Variants in MMP26 observed in about 807,000 individuals in gnomAD.
MMP26 encodes the protein matrix metallopeptidase 26.
Under a neutral mutation model 31.0 loss-of-function variants are expected in MMP26, and 33 were observed. That is an observed-to-expected ratio of 1.06 (90% CI 0.81 to 1.42). The LOEUF is 1.42. Among genes scored for constraint, MMP26 ranks in the 40% most tolerant of loss-of-function variants. The pLI is 0.00. For synonymous variants in MMP26, 122 were observed against 114.9 expected (o/e 1.06, Z -0.40); for missense variants, 347 against 316.1 (o/e 1.10, Z -0.74).
At chr11:4,915,040 G>C (rs371119617) in intron 2 of MMP26, 6 of 1,613,964 alleles carry the variant, frequency 3.7e-6, no homozygotes, top group Admixed American at 1.7e-5. Context: ...CTGTAGAGAC[G>C]ATGACAAACA....
At chr11:4,908,194 T>C in intron 2 of MMP26, 1 of 1,614,214 alleles carries the variant, frequency 6.2e-7, no homozygotes, top group South Asian at 1.1e-5. Flanking sequence ...TGATCCTTAT[T>C]GCAGATATGT....
At chr11:4,824,946 G>A (rs1849560737) in intron 2 of MMP26, among the ~76,000 whole-genome samples, 1 of 152,074 alleles carries the variant, frequency 6.6e-6, no homozygotes, top group African/African-American at 2.4e-5. Context: ...TTTGATTCCG[G>A]TTAGTCCAAT....
rs868154417 is a variant in MMP26, at chr11:4,885,528, T to A, written c.-144-102540T>A. Among the ~76,000 whole-genome samples the A allele has an allele frequency of 3.9e-5, 6 of 152,126 alleles. No homozygotes were observed. In the South Asian group the frequency reaches 1.2e-3, roughly 31 times the overall value. On this transcript the variant is annotated intron_variant, in intron 2 of 7. Coordinates refer to ENST00000380390, the MANE Select transcript of MMP26 (RefSeq NM_021801.5). ...AGTACAGTAAAATGCTGCACAGTTT[T>A]GTAGTCTAGGAGCAATAGGCTATAT...
chr11:4,949,232 C>T (rs1473690816), intron 2 of MMP26, among the ~76,000 whole-genome samples: 1 of 121,660 alleles, frequency 8.2e-6, no homozygotes, highest in Non-Finnish European at 1.9e-5. Flanking sequence ...CATTGTGCTA[C>T]GTTTGCTATG....
At chr11:4,911,532 C>T (rs897739625) in intron 2 of MMP26, among the ~76,000 whole-genome samples, 4 of 152,166 alleles carry the variant, frequency 2.6e-5, no homozygotes, top group Non-Finnish European at 4.4e-5. Context: ...AATGTAGCTT[C>T]CAGCTTACTT....
intron 2 of MMP26, among the ~76,000 whole-genome samples, chr11:4,960,638 C>G (rs1846508275): frequency 6.6e-6 from 1 of 151,906 alleles, no homozygotes; most frequent in African/African-American, 2.4e-5. Context: ...ATCCTGATTG[C>G]TGAAATCTCA....
intron 1 of MMP26, chr11:4,722,658 A>G (rs1171028723): frequency 4.4e-6 from 3 of 683,082 alleles, no homozygotes; most frequent in South Asian, 3.4e-5. Flanking sequence ...TCCCTGTGCT[A>G]CCCTGCACAG....
chr11:4,991,967 A>G lies in MMP26; in HGVS notation c.599A>G (p.Tyr200Cys), dbSNP rs1310363140. ...NEHWSASDTG[Y>C]NLFLVATHEI... ...TTTTTTTTCTATAATTTTTCAGGATATAATCTGTTCCTGGTTGCAACTCAT... is the reference window on the plus strand; with the variant it reads ...TTTTTTTTCTATAATTTTTCAGGATGTAATCTGTTCCTGGTTGCAACTCAT... The change falls in exon 7 of 8, where the codon TAT (tyrosine) becomes TGT (cysteine). Residue 200 changes from tyrosine (Y) to cysteine (C), a missense_variant. By Grantham distance (194) the Tyr-to-Cys change is radical. Transcript: ENST00000380390. The G allele has an allele frequency of 5.0e-6, 8 of 1,591,646 alleles. No individual in the cohort carries two copies. Among genetic ancestry groups the G allele is most frequent in the Non-Finnish European group, 8.5e-7 (1 of 1,174,150 alleles).
chr11:4,863,204 C>T (rs190732336), intron 2 of MMP26, among the ~76,000 whole-genome samples: 1 of 152,190 alleles, frequency 6.6e-6, no homozygotes, highest in East Asian at 1.9e-4. Flanking sequence ...TTTTCATTAC[C>T]TGAATCAGTG....
intron 1 of MMP26, chr11:4,756,878 G>A (rs1848511120): frequency 6.6e-6 from 1 of 151,918 alleles, no homozygotes; most frequent in Non-Finnish European, 1.5e-5. Context: ...TTTAAAAGAT[G>A]TAAATAAGTG....
intron 1 of MMP26, among the ~76,000 whole-genome samples, chr11:4,743,553 T>C (rs1408329941): frequency 2.6e-5 from 4 of 152,196 alleles, no homozygotes; most frequent in South Asian, 4.1e-4. Flanking sequence ...CTAATCTCTT[T>C]AGGGAAATTA....
chr11:4,858,344 A>T (rs537475486), intron 2 of MMP26, among the ~76,000 whole-genome samples: 1 of 152,272 alleles, frequency 6.6e-6, no homozygotes, highest in African/African-American at 2.4e-5. Context: ...CTCAGCCCAA[A>T]ATCTCCTTAA....
Position 4,822,024 on chromosome 11 carries a change from T to A in MMP26, c.-145+54683T>A, listed in dbSNP as rs7103540. ...ACAATAGGATCAACAGCATCCTTGG[T>A]CTGTTTGCGCTTTTGTCCACTACAG... is the stretch of plus-strand genomic sequence containing the variant. On this transcript the variant is annotated intron_variant, in intron 2 of 7. Coordinates refer to ENST00000380390, the MANE Select transcript of MMP26 (RefSeq NM_021801.5). 4.6e-3 allele frequency: 7,416 copies of A among 1,613,984 alleles called. 300 individuals are homozygous for A. The African/African-American group carries it at 0.087, about 19-fold the overall frequency.
intron 1 of MMP26, among the ~76,000 whole-genome samples, chr11:4,737,291 T>C (rs150287950): frequency 3.1e-4 from 47 of 152,312 alleles, no homozygotes; most frequent in African/African-American, 1.1e-3. Context: ...TGAGTTGAAC[T>C]TCCTCTTCAT....
intron 2 of MMP26, among the ~76,000 whole-genome samples, chr11:4,862,989 G>A (rs1304938880): frequency 6.6e-6 from 1 of 152,076 alleles, no homozygotes; most frequent in Non-Finnish European, 1.5e-5. Flanking sequence ...CACTTGTTTG[G>A]GCCTGCTGTT....
intron 2 of MMP26, among the ~76,000 whole-genome samples, chr11:4,814,403 C>T (rs1322979962): frequency 6.6e-6 from 1 of 151,900 alleles, no homozygotes. Context: ...GAATACTACT[C>T]ATCAAGAATA....
chr11:4,749,566 G>A (rs187775615), intron 1 of MMP26, among the ~76,000 whole-genome samples: 8 of 152,130 alleles, frequency 5.3e-5, no homozygotes, highest in Non-Finnish European at 1.2e-4. Context: ...CATAGTACTG[G>A]TATAAAAATA....
intron 2 of MMP26, among the ~76,000 whole-genome samples, chr11:4,851,849 C>T (rs761331766): frequency 3.3e-5 from 5 of 151,816 alleles, no homozygotes; most frequent in Non-Finnish European, 7.4e-5. Context: ...TCACCAAAAA[C>T]ATTTAAACAA....
intron 1 of MMP26, among the ~76,000 whole-genome samples, chr11:4,706,379 G>A (rs10836503): frequency 0.12 from 18,913 of 151,492 alleles, 1,594 homozygotes; most frequent in Middle Eastern, 0.21. Flanking sequence ...GGGCAACATG[G>A]TGAAACCCCA....
Sources: gnomAD v4.1 joint callset for allele counts (sites outside exome capture counted in the v4.1 genomes callset) on GRCh38, gnomAD v4.1.1 for gene constraint, MANE v1.5 for transcripts, NCBI Gene and HGNC (gene_info 2026-07-23, HGNC 2026-07-21) for gene names.